GLRA3: variants seen among roughly 807,000 people sequenced by gnomAD.
GLRA3 encodes the protein glycine receptor subunit alpha-3.
GLRA3 carries 44 observed loss-of-function variants against 60.4 expected under a neutral mutation model. That is an observed-to-expected ratio of 0.73 (90% CI 0.57 to 0.94). The LOEUF (loss-of-function observed/expected upper bound fraction) is 0.94, where lower values mean the gene tolerates loss of function less well. GLRA3 is among the 40% of genes least tolerant of loss of function. The pLI, the probability that GLRA3 is intolerant of heterozygous loss-of-function variation, is 0.00. For synonymous variants in GLRA3, 223 were observed against 192.9 expected, an observed-to-expected ratio of 1.16 and a Z score of -1.29; for missense variants, 508 against 564.6, an observed-to-expected ratio of 0.90 and a Z score of 1.02.
chr4:174,774,408 GTTTA>G (rs1188109453), intron 2 of GLRA3, among the ~76,000 whole-genome samples: 2 of 151,866 alleles, frequency 1.3e-5, no homozygotes, highest in Non-Finnish European at 2.9e-5. Flanking sequence ...ATATGTGTGT[GTTTA>G]TTTATGCTTA....
At chr4:174,816,816 T>C (rs1047088871) in intron 1 of GLRA3, among the ~76,000 whole-genome samples, 3 of 152,152 alleles carry the variant, frequency 2.0e-5, no homozygotes, top group African/African-American at 7.2e-5. Context: ...ATTCTTGGCA[T>C]GCTTTATATT....
chr4:174,707,529 A>G (rs1352162565), intron 5 of GLRA3, among the ~76,000 whole-genome samples: 2 of 151,932 alleles, frequency 1.3e-5, no homozygotes, highest in East Asian at 1.9e-4. Context: ...CACGGGGGGG[A>G]AGCCCTACTC....
chr4:174,706,086 C>T (rs376725255), intron 5 of GLRA3, among the ~76,000 whole-genome samples: 15 of 151,876 alleles, frequency 9.9e-5, no homozygotes, highest in East Asian at 9.7e-4. Context: ...AAAAATTAGC[C>T]GGGCGTGGTG....
At chr4:174,649,820 T>C (rs1732962512) in intron 9 of GLRA3, among the ~76,000 whole-genome samples, 2 of 151,340 alleles carry the variant, frequency 1.3e-5, no homozygotes, top group Non-Finnish European at 2.9e-5. Context: ...TGATGCTTTG[T>C]TTTTAGTCTC....
chr4:174,681,266 C>T (rs1420295384), intron 6 of GLRA3, among the ~76,000 whole-genome samples: 1 of 152,180 alleles, frequency 6.6e-6, no homozygotes. Flanking sequence ...TTGAGACCCT[C>T]TATCATAAAA....
intron 3 of GLRA3, among the ~76,000 whole-genome samples, chr4:174,749,377 C>T (rs981624910): frequency 2.0e-5 from 3 of 152,070 alleles, no homozygotes; most frequent in Admixed American, 6.6e-5. Flanking sequence ...CAATCTTTGC[C>T]ATCAGAGGAG....
At chr4:174,645,651 C>A (rs1451429081) in intron 9 of GLRA3, among the ~76,000 whole-genome samples, 1 of 152,022 alleles carries the variant, frequency 6.6e-6, no homozygotes, top group Non-Finnish European at 1.5e-5. Context: ...AATATTTCAA[C>A]TGTAAGATGT....
intron 3 of GLRA3, among the ~76,000 whole-genome samples, chr4:174,739,837 T>C (rs570364724): frequency 6.6e-6 from 1 of 152,210 alleles, no homozygotes; most frequent in East Asian, 1.9e-4. Flanking sequence ...AAGATCCACA[T>C]TTTCTGGGAG....
intron 5 of GLRA3, among the ~76,000 whole-genome samples, chr4:174,688,506 G>T (rs1276363438): frequency 6.6e-6 from 1 of 150,584 alleles, no homozygotes; most frequent in Non-Finnish European, 1.5e-5. Context: ...ACCTAAAATA[G>T]TATGTGGCCA....
intron 9 of GLRA3, among the ~76,000 whole-genome samples, chr4:174,650,091 T>A (rs1732973614): frequency 6.6e-6 from 1 of 152,140 alleles, no homozygotes; most frequent in Non-Finnish European, 1.5e-5. Context: ...CCAGATAAGG[T>A]GCAAGGTCCA....
intron 3 of GLRA3, among the ~76,000 whole-genome samples, chr4:174,748,956 G>T (rs564159921): frequency 3.3e-5 from 5 of 152,126 alleles, no homozygotes; most frequent in African/African-American, 1.2e-4. Flanking sequence ...GCCATGATCT[G>T]CTCATTCTGA....
At chr4:174,815,628 G>T (rs912768570) in intron 1 of GLRA3, among the ~76,000 whole-genome samples, 1 of 152,170 alleles carries the variant, frequency 6.6e-6, no homozygotes, top group Non-Finnish European at 1.5e-5. Context: ...CATGGAAGTT[G>T]CCAAGGCTGG....
At chr4:174,736,941 A>C (rs1173779418) in intron 3 of GLRA3, among the ~76,000 whole-genome samples, 1 of 152,232 alleles carries the variant, frequency 6.6e-6, no homozygotes, top group Non-Finnish European at 1.5e-5. Flanking sequence ...TTGAAGAAAT[A>C]ATAAGTAAAA....
At chr4:174,719,692 A>C in intron 4 of GLRA3, among the ~76,000 whole-genome samples, 1 of 151,932 alleles carries the variant, frequency 6.6e-6, no homozygotes, top group East Asian at 2.0e-4. Flanking sequence ...CTGGAGCTTA[A>C]TTGTCATCTG....
At chr4:174,773,313 GT>G (rs10645897) in intron 2 of GLRA3, among the ~76,000 whole-genome samples, 77 of 148,502 alleles carry the variant, frequency 5.2e-4, no homozygotes, top group African/African-American at 7.9e-4. Flanking sequence ...TCGTTTAGAT[GT>G]TTTTTTTTTT....
At chr4:174,723,216 T>C (rs1736195255) in intron 4 of GLRA3, among the ~76,000 whole-genome samples, 1 of 152,126 alleles carries the variant, frequency 6.6e-6, no homozygotes, top group Admixed American at 6.5e-5. Context: ...TTTAGTATTC[T>C]TTAATATAAT....
chr4:174,761,307 C>T (rs1358210562), intron 3 of GLRA3, among the ~76,000 whole-genome samples: 1 of 151,960 alleles, frequency 6.6e-6, no homozygotes, highest in Non-Finnish European at 1.5e-5. Flanking sequence ...GAGAATCTAA[C>T]GACTCAATAA....
chr4:174,725,998 T>C (rs1736306494), intron 4 of GLRA3, among the ~76,000 whole-genome samples: 1 of 152,232 alleles, frequency 6.6e-6, no homozygotes, highest in East Asian at 1.9e-4. Context: ...GAAGGTGTTA[T>C]CTTGTGTCTG....
intron 1 of GLRA3, among the ~76,000 whole-genome samples, chr4:174,823,532 GA>G (rs202095729): frequency 2.7e-5 from 4 of 149,460 alleles, no homozygotes; most frequent in South Asian, 4.2e-4. Context: ...CTCAAAAAAA[GA>G]AAAAAAAAGA....
Sources: allele counts gnomAD v4.1 joint callset (sites outside exome capture counted in the v4.1 genomes callset), GRCh38; gene constraint gnomAD v4.1.1; transcripts MANE v1.5; gene names NCBI Gene and HGNC (gene_info 2026-07-23, HGNC 2026-07-21).